The following UNC5A variants were observed in gnomAD, a reference collection of about 807,000 sequenced individuals.
UNC5A encodes netrin receptor UNC5A.
UNC5A carries 20 observed loss-of-function variants against 87.4 expected under a neutral mutation model. The observed-to-expected ratio is 0.23, with a 90% CI of 0.16 to 0.33. The LOEUF is 0.33. Among genes scored for constraint, UNC5A ranks in the 10% least tolerant of loss-of-function variants. The pLI, the probability that UNC5A is intolerant of heterozygous loss-of-function variation, is 1.00. For synonymous variants in UNC5A, 438 were observed against 482.3 expected (o/e 0.91, Z 1.20); for missense variants, 844 against 1,133.4 (o/e 0.74, Z 3.67).
rs58009835 is a variant in UNC5A at position 176,874,587 on chromosome 5, C to T, written c.1378+21C>T. 7.9e-3 allele frequency: 11,917 copies of T among 1,503,796 alleles called. 567 individuals are homozygous for T. The African/African-American group carries it at 0.12, about 15-fold the overall frequency. The allele number at this position is 1,503,796 out of a possible 1,614,324, so 93.2% of individuals were successfully genotyped here. On this transcript the variant is annotated intron_variant, in intron 8 of 14. Coordinates refer to ENST00000329542, the MANE Select transcript of UNC5A (RefSeq NM_133369.3). The surrounding 1 kb of genome is among the most constrained non-coding windows in gnomAD (Gnocchi z 7.6). ...TACAGGTAGGAAGGACCCCAGGGGG[C>T]TCTGAGAGCTCCACTTCCCTCCTGG...
chr5:176,874,477 A>G lies in UNC5A; in HGVS notation c.1289A>G (p.Asn430Ser). The G allele has an allele frequency of 6.2e-7, 1 of 1,612,592 alleles. No homozygotes were observed. Among genetic ancestry groups the G allele is most frequent in the South Asian group, 1.1e-5 (1 of 90,790 alleles). ...TTCGTCTCCCGCCTCTCCACCCAGA[A>G]CTACTTCCGCTCCCTGCCCCGAGGC... is the stretch of plus-strand genomic sequence containing the variant. ...EEFVSRLSTQNYFRSLPRGTS... is the reference protein window; with the variant it reads ...EEFVSRLSTQSYFRSLPRGTS... The change falls in exon 8 of 15, where the codon AAC becomes AGC. Residue 430 changes from asparagine (N) to serine (S), a missense_variant. This residue lies in a region of UNC5A where 353 missense variants were observed against 387.5 expected (regional missense o/e 0.91). Coordinates refer to ENST00000329542, the MANE Select transcript of UNC5A (RefSeq NM_133369.3). The surrounding 1 kb of genome is among the most constrained non-coding windows in gnomAD (Gnocchi z 7.6).
chr5:176,857,229 C>T (rs530506031), intron 1 of UNC5A, among the ~76,000 whole-genome samples: 1 of 152,398 alleles, frequency 6.6e-6, no homozygotes, highest in East Asian at 1.9e-4. Context: ...TGAAAGCAAG[C>T]TTCAGAGACG....
Position 176,869,777 on chromosome 5 carries a change from C to T in UNC5A, c.722-593C>T, listed in dbSNP as rs1758065277. 1.7e-6 allele frequency: 1 copy of T among 593,768 alleles called. No individual in the cohort carries two copies. The highest frequency in any genetic ancestry group is 3.1e-6 in the Non-Finnish European group (1 of 327,112). 36.8% of individuals were successfully genotyped at this position (593,768 alleles called of 1,614,324 possible). ...AGAAAACAGCCTGCGCCACCCTGTG[C>T]CCAGGTACCAGCGGCCACCGCCTCC... is the stretch of plus-strand genomic sequence containing the variant. On this transcript the variant is annotated intron_variant, in intron 5 of 14. Transcript: ENST00000329542. This position sits in a 1 kb window ranked among gnomAD's most constrained non-coding sequence, Gnocchi z 9.1.
intron 1 of UNC5A, among the ~76,000 whole-genome samples, chr5:176,839,057 T>G (rs1757207438): frequency 6.7e-6 from 1 of 149,916 alleles, no homozygotes; most frequent in South Asian, 2.1e-4. Context: ...CCTGCCTCTG[T>G]GCGTTTGCAC....
intron 1 of UNC5A, among the ~76,000 whole-genome samples, chr5:176,825,505 CAG>C (rs1304167250): frequency 7.2e-5 from 11 of 152,148 alleles, no homozygotes; most frequent in Non-Finnish European, 1.5e-4. Flanking sequence ...AGACAGGACA[CAG>C]AGGCCATTTG....
At position 176,840,924 on chromosome 5, in the gene UNC5A, G is replaced by A. The variant is rs114823602; in HGVS notation, c.71-21700G>A. On this transcript the variant is annotated intron_variant, in intron 1 of 14. Transcript: ENST00000329542. Reference sequence around the variant, plus strand: ...AGCAGCACAGAGAGCTGCTGGCAGTGGGGTGGCCTGGATGGAGCTTCCATT... The same window carrying A: ...AGCAGCACAGAGAGCTGCTGGCAGTAGGGTGGCCTGGATGGAGCTTCCATT... Among the ~76,000 whole-genome samples, 1,470 of 152,350 alleles carry A rather than the reference G, an allele frequency of 9.6e-3. 21 individuals carry two copies. Among genetic ancestry groups the A allele is most frequent in the African/African-American group, 0.034 (1,393 of 41,570 alleles).
intron 1 of UNC5A, among the ~76,000 whole-genome samples, chr5:176,827,217 C>T (rs1756877663): frequency 8.3e-6 from 1 of 119,932 alleles, no homozygotes; most frequent in South Asian, 2.9e-4. Context: ...GAGCCTTACT[C>T]TGTCGCCCAG....
chr5:176,857,655 G>C lies in UNC5A; in HGVS notation c.71-4969G>C, dbSNP rs145360975. Among the ~76,000 whole-genome samples, 3 of 152,308 alleles carry C rather than the reference G, an allele frequency of 2.0e-5. No individual in the cohort carries two copies. The East Asian group carries it at 5.8e-4, about 29-fold the overall frequency. ...CAGGGGCACCAGCTCCAGCTGACGT[G>C]GGCAGCCAGTTCTCTCCTGAGAGAG... On this transcript the variant is annotated intron_variant, in intron 1 of 14. Transcript: ENST00000329542.
chr5:176,831,349 T>C (rs1230053853), intron 1 of UNC5A, among the ~76,000 whole-genome samples: 1 of 152,208 alleles, frequency 6.6e-6, no homozygotes, highest in South Asian at 2.1e-4. Flanking sequence ...CCCCTCTCCC[T>C]GTCCCTGGGG....
In UNC5A at chr5:176,878,228, A is replaced by AC; in HGVS notation, c.1870-14dup. On this transcript the variant is annotated splice_polypyrimidine_tract_variant and intron_variant, in intron 11 of 14. Coordinates refer to ENST00000329542, the MANE Select transcript of UNC5A (RefSeq NM_133369.3). ...CAGTGGGGAGGGGCCTGGGCTGACC[A>AC]CCTGGGGCACTGCAGGAGGTGGTGC... 7 of 1,609,098 alleles carry AC rather than the reference A, an allele frequency of 4.4e-6. No individual in the cohort carries two copies. Among genetic ancestry groups the AC allele is most frequent in the Non-Finnish European group, 5.9e-6 (7 of 1,178,806 alleles).
rs767623902 is a variant in UNC5A, at chr5:176,877,291, G to T, written c.1466+12G>T. 1 of 1,609,046 alleles carries T rather than the reference G, an allele frequency of 6.2e-7. No homozygotes were observed. The highest frequency in any genetic ancestry group is 8.5e-7 in the Non-Finnish European group (1 of 1,177,462). Reference sequence around the variant, plus strand: ...CCGGAAGACGTGAGGTGTGGCCGCGGGCCCTGTTGCCGGGGGTGGGAGGGA... The same window carrying T: ...CCGGAAGACGTGAGGTGTGGCCGCGTGCCCTGTTGCCGGGGGTGGGAGGGA... On this transcript the variant is annotated intron_variant, in intron 9 of 14. Transcript: ENST00000329542.
chr5:176,870,504 C>T lies in UNC5A; in HGVS notation c.856C>T (p.Arg286Cys), dbSNP rs1758083329. 3 of 1,606,170 alleles carry T rather than the reference C, an allele frequency of 1.9e-6. No homozygotes were observed. Among genetic ancestry groups the T allele is most frequent in the Admixed American group, 1.7e-5 (1 of 59,612 alleles). The change falls in exon 6 of 15, where the codon CGC (arginine) becomes TGC (cysteine). Residue 286 changes from arginine (R) to cysteine (C), a missense_variant. Arg to Cys is a radical substitution (Grantham distance 180, BLOSUM62 -3). Coordinates refer to ENST00000329542, the MANE Select transcript of UNC5A (RefSeq NM_133369.3). ...EECQGTDLDT[R>C]NCTSDLCVHT... ...GTGCCAGGGCACTGACCTGGACACC[C>T]GCAACTGTACCAGTGACCTCTGTGT...
chr5:176,816,618 G>A (rs1444837468), intron 1 of UNC5A, among the ~76,000 whole-genome samples: 8 of 152,274 alleles, frequency 5.3e-5, no homozygotes, highest in African/African-American at 1.2e-4. Flanking sequence ...AAGAGTGCAC[G>A]CCTCCTGGCC....
chr5:176,876,343 C>T (rs1452258138), intron 8 of UNC5A, among the ~76,000 whole-genome samples: 1 of 152,184 alleles, frequency 6.6e-6, no homozygotes, highest in Non-Finnish European at 1.5e-5. Context: ...CTGCGCTGCC[C>T]ACGAGGGAGT....
At chr5:176,850,931 C>CCCAGTGCTCCCAGGACTTT (rs1320528396) in intron 1 of UNC5A, among the ~76,000 whole-genome samples, 1 of 151,808 alleles carries the variant, frequency 6.6e-6, no homozygotes, top group African/African-American at 2.4e-5. Context: ...CCCAGGACTT[C>CCCAGTGCTCCCAGGACTTT]CCAGTGCTCC....
At position 176,880,025 on chromosome 5, in the gene UNC5A, G is replaced by A; in HGVS notation, c.*139G>A. On this transcript the variant is annotated 3_prime_UTR_variant, in exon 15 of 15. Transcript: ENST00000329542. Reference sequence around the variant, plus strand: ...CTCCCGGCCGAAGCTGTCCCTTAATGCTGGTCCTTCAGACCCTGCCCGAAC... The same window carrying A: ...CTCCCGGCCGAAGCTGTCCCTTAATACTGGTCCTTCAGACCCTGCCCGAAC... The A allele has an allele frequency of 8.3e-7, 1 of 1,199,468 alleles. No homozygotes were observed. The highest frequency in any genetic ancestry group is 1.5e-5 in the African/African-American group (1 of 65,220). The allele number at this position is 1,199,468 out of a possible 1,614,324, so 74.3% of individuals were successfully genotyped here. A position where few individuals can be genotyped will look rare whatever the true frequency, so the allele number is the denominator to read the frequency against.
intron 1 of UNC5A, among the ~76,000 whole-genome samples, chr5:176,825,460 C>T (rs936685736): frequency 6.6e-6 from 1 of 152,090 alleles, no homozygotes; most frequent in African/African-American, 2.4e-5. Flanking sequence ...TCAGAAGCAG[C>T]AGGAGTGAAC....
At chr5:176,870,239 T>C (rs1269428548) in intron 5 of UNC5A, 131 bp from the exon 6 acceptor site, 2 of 1,193,444 alleles carry the variant, frequency 1.7e-6, no homozygotes, top group Non-Finnish European at 1.2e-6. Context: ...GGCCTGGCCC[T>C]GGCTTTGCAC....
intron 1 of UNC5A, among the ~76,000 whole-genome samples, chr5:176,816,723 G>A (rs938083722): frequency 2.6e-5 from 4 of 152,212 alleles, no homozygotes; most frequent in Admixed American, 6.5e-5. Context: ...CAGATTAGAC[G>A]GGCTGAAGTG....
Sources: gnomAD v4.1 joint callset for allele counts (sites outside exome capture counted in the v4.1 genomes callset) on GRCh38, gnomAD v4.1.1 for gene constraint, gnomAD v4.1.1 regional missense constraint, Gnocchi (gnomAD v3.1) non-coding constraint, MANE v1.5 for transcripts, NCBI Gene and HGNC (gene_info 2026-07-23, HGNC 2026-07-21) for gene names.